The following MAN1A2 variants were observed in gnomAD, a reference collection of about 807,000 sequenced individuals.
MAN1A2 encodes mannosidase alpha class 1A member 2.
Under a neutral mutation model 75.7 loss-of-function variants are expected in MAN1A2, and 26 were observed. That is an observed-to-expected ratio of 0.34 (90% CI 0.25 to 0.48). MAN1A2 has a LOEUF of 0.48. Among genes scored for constraint, MAN1A2 ranks in the 20% least tolerant of loss-of-function variants. MAN1A2 has a pLI of 0.99. For synonymous variants in MAN1A2, 247 were observed against 264.6 expected (o/e 0.93, Z 0.65); for missense variants, 562 against 775.5 (o/e 0.72, Z 3.27).
At chr1:117,408,592 G>T (rs1202793550) in intron 3 of MAN1A2, among the ~76,000 whole-genome samples, 2 of 152,042 alleles carry the variant, frequency 1.3e-5, no homozygotes, top group Non-Finnish European at 2.9e-5. Context: ...AAGAGATACT[G>T]CTCTGTACTT....
intron 6 of MAN1A2, 88 bp from the exon 7 acceptor site, chr1:117,460,401 G>T (rs778476181): frequency 6.2e-5 from 50 of 809,404 alleles, no homozygotes; most frequent in Admixed American, 1.0e-4. Context: ...ATTTATAAGA[G>T]ATCTATTTAA....
At chr1:117,426,090 A>G (rs1570733117) in intron 5 of MAN1A2, among the ~76,000 whole-genome samples, 1 of 152,102 alleles carries the variant, frequency 6.6e-6, no homozygotes, top group Non-Finnish European at 1.5e-5. Flanking sequence ...TTCTTTGGGT[A>G]TAAAATATAG....
At chr1:117,457,670 A>G (rs1159683992) in intron 6 of MAN1A2, among the ~76,000 whole-genome samples, 2 of 152,096 alleles carry the variant, frequency 1.3e-5, no homozygotes, top group African/African-American at 4.8e-5. Flanking sequence ...TTTTGTTTTT[A>G]TACTTGACCA....
chr1:117,467,925 A>G (rs1241658930), intron 8 of MAN1A2, among the ~76,000 whole-genome samples: 4 of 152,136 alleles, frequency 2.6e-5, no homozygotes, highest in Admixed American at 2.0e-4. Context: ...TCATAAAAGT[A>G]CTAAAAAAAG....
intron 5 of MAN1A2, among the ~76,000 whole-genome samples, chr1:117,431,071 T>C (rs1295710057): frequency 1.4e-5 from 2 of 139,474 alleles, no homozygotes; most frequent in African/African-American, 5.4e-5. Context: ...TGGCAGCGCG[T>C]GCCTGCAATC....
At chr1:117,417,881 C>G (rs1376196952) in intron 4 of MAN1A2, among the ~76,000 whole-genome samples, 2 of 151,656 alleles carry the variant, frequency 1.3e-5, no homozygotes, top group Non-Finnish European at 2.9e-5. Flanking sequence ...ATCGCTTGAG[C>G]CCAGCTTGGG....
intron 4 of MAN1A2, among the ~76,000 whole-genome samples, chr1:117,415,944 C>T (rs1647976108): frequency 6.6e-6 from 1 of 152,062 alleles, no homozygotes; most frequent in African/African-American, 2.4e-5. Flanking sequence ...CAAAGGAAAG[C>T]TGAGAAATGT....
At chr1:117,513,011 TAA>T (rs1159716432) in intron 12 of MAN1A2, among the ~76,000 whole-genome samples, 1 of 152,172 alleles carries the variant, frequency 6.6e-6, no homozygotes, top group East Asian at 1.9e-4. Flanking sequence ...TGAAATATGT[TAA>T]GTGTACAGTT....
Position 117,527,568 on chromosome 1 carries a change from G to T in MAN1A2, c.*4611G>T, listed in dbSNP as rs907479211. On this transcript the variant is annotated 3_prime_UTR_variant, in exon 13 of 13. Transcript: ENST00000356554. The stretch of plus-strand genomic sequence containing the variant: ...CTGGAGTCTGTTCAGGTTTCAGGAC[G>T]ATTGACTATAATGAAAGAGACAGAA... 5.3e-5 allele frequency: 8 copies of T among 152,014 alleles called. No homozygotes were observed. Among genetic ancestry groups the T allele is most frequent in the African/African-American group, 7.2e-5 (3 of 41,404 alleles). The allele number at this position is 152,014 out of a possible 1,614,324, so 9.4% of individuals were successfully genotyped here.
intron 6 of MAN1A2, among the ~76,000 whole-genome samples, chr1:117,452,208 G>A (rs1192238548): frequency 6.6e-6 from 1 of 151,184 alleles, no homozygotes; most frequent in East Asian, 2.0e-4. Flanking sequence ...TTGGGAGGTT[G>A]AGGCAAGAGA....
chr1:117,483,858 A>G (rs1255240300), intron 8 of MAN1A2, among the ~76,000 whole-genome samples: 2 of 152,116 alleles, frequency 1.3e-5, no homozygotes, highest in East Asian at 3.9e-4. Context: ...TCAGTATGCT[A>G]TTGGCTGTGG....
chr1:117,465,077 C>G (rs905600228), intron 7 of MAN1A2, among the ~76,000 whole-genome samples: 3 of 151,958 alleles, frequency 2.0e-5, no homozygotes, highest in East Asian at 3.9e-4. Flanking sequence ...TACAAGAGCT[C>G]AGAGACAATA....
At chr1:117,477,557 T>TG (rs1156517013) in intron 8 of MAN1A2, among the ~76,000 whole-genome samples, 1 of 152,002 alleles carries the variant, frequency 6.6e-6, no homozygotes, top group Admixed American at 6.6e-5. Context: ...TCTCAATAGA[T>TG]GCAGAAAAGG....
intron 4 of MAN1A2, among the ~76,000 whole-genome samples, 176 bp downstream of exon 4, chr1:117,415,007 C>T (rs1164349200): frequency 6.6e-6 from 1 of 151,896 alleles, no homozygotes; most frequent in East Asian, 1.9e-4. Flanking sequence ...GAGGGTTGAC[C>T]TCTCATGAAT....
intron 11 of MAN1A2, among the ~76,000 whole-genome samples, chr1:117,501,785 A>T (rs1651209701): frequency 6.6e-6 from 1 of 151,762 alleles, no homozygotes; most frequent in Non-Finnish European, 1.5e-5. Context: ...TAGGAAGGAG[A>T]AGCCCAGAAG....
At chr1:117,406,358 A>G (rs2101759960) in intron 3 of MAN1A2, among the ~76,000 whole-genome samples, 1 of 152,302 alleles carries the variant, frequency 6.6e-6, no homozygotes, top group East Asian at 1.9e-4. Context: ...TCTTTTAAGT[A>G]ATGATAGATG....
In MAN1A2 at chr1:117,508,774, A is replaced by G. The variant is rs368382261; in HGVS notation, c.1793+5804A>G. ...TGGGCTATTAAGTCCACATGTGCAT[A>G]CGTAACACATAGATGAACATGTTAA... On this transcript the variant is annotated intron_variant, in intron 12 of 12. Transcript: ENST00000356554. 1.5e-4 allele frequency among the ~76,000 whole-genome samples: 22 copies of G among 150,230 alleles called. No homozygotes were observed. The East Asian group carries it at 2.9e-3, about 20-fold the overall frequency.
At chr1:117,495,082 G>T (rs1268134036) in intron 9 of MAN1A2, 1 of 150,540 alleles carries the variant, frequency 6.6e-6, no homozygotes, top group Admixed American at 6.6e-5. Context: ...ATTTGTCATT[G>T]TTTTTTTTAA....
At chr1:117,491,850 T>C (rs1408899344) in intron 8 of MAN1A2, among the ~76,000 whole-genome samples, 2 of 151,938 alleles carry the variant, frequency 1.3e-5, no homozygotes, top group African/African-American at 4.8e-5. Context: ...CAAACTCAAG[T>C]GGAGGAAGTA....
Sources: gnomAD v4.1 joint callset for allele counts (sites outside exome capture counted in the v4.1 genomes callset) on GRCh38, gnomAD v4.1.1 for gene constraint, MANE v1.5 for transcripts, NCBI Gene and HGNC (gene_info 2026-07-23, HGNC 2026-07-21) for gene names.